Variants in LCLAT1 observed in about 807,000 individuals in gnomAD.
LCLAT1 encodes lysocardiolipin acyltransferase 1, also known as 1-AGP acyltransferase 8.
A neutral mutation model predicts 30.7 loss-of-function variants in LCLAT1; 11 were observed. The observed-to-expected ratio is 0.36, with a 90% CI of 0.23 to 0.59. The LOEUF is 0.59. Ranked by LOEUF, LCLAT1 falls within the 20% of genes least tolerant of loss-of-function variation. The pLI is 0.77. For missense variants in LCLAT1, 402 were observed against 458.6 expected, an observed-to-expected ratio of 0.88 and a Z score of 1.13; for synonymous variants, 155 against 151.3, an observed-to-expected ratio of 1.02 and a Z score of -0.18.
At chr2:30,503,637 T>C (rs1684503700) in intron 1 of LCLAT1, among the ~76,000 whole-genome samples, 1 of 152,196 alleles carries the variant, frequency 6.6e-6, no homozygotes, top group African/African-American at 2.4e-5. Context: ...TGAAATATAG[T>C]GTACTTGCTG....
Position 30,643,486 on chromosome 2 carries a change from CTTCCTTGT to C in LCLAT1, c.*2870_*2877del, listed in dbSNP as rs1455552575. 7 of 144,972 alleles carry C rather than the reference CTTCCTTGT, an allele frequency of 4.8e-5. No individual in the cohort carries two copies. The highest frequency in any genetic ancestry group is 2.0e-4 in the African/African-American group (7 of 35,064). 9.0% of individuals were successfully genotyped at this position (144,972 alleles called of 1,614,324 possible). ...GTAATTTTAGGACTCCTATAAAATT[CTTCCTTGT>C]TTGTTAATGCTATTAAAACTCAGAT... On this transcript the variant is annotated 3_prime_UTR_variant, in exon 6 of 6. Coordinates refer to ENST00000379509, the MANE Select transcript of LCLAT1 (RefSeq NM_001002257.3).
chr2:30,576,968 TA>T (rs1219276053), intron 5 of LCLAT1, among the ~76,000 whole-genome samples: 1 of 151,856 alleles, frequency 6.6e-6, no homozygotes, highest in Non-Finnish European at 1.5e-5. Context: ...ACCTCACTTG[TA>T]AAAAATATGA....
chr2:30,471,475 G>A (rs1048394801), intron 1 of LCLAT1, among the ~76,000 whole-genome samples: 1 of 152,228 alleles, frequency 6.6e-6, no homozygotes. Flanking sequence ...CTCCCAAAGT[G>A]CTGGGATCAC....
At chr2:30,483,818 A>G (rs1054847684) in intron 1 of LCLAT1, among the ~76,000 whole-genome samples, 2 of 152,298 alleles carry the variant, frequency 1.3e-5, no homozygotes, top group Non-Finnish European at 2.9e-5. Context: ...CTCAAGCCTT[A>G]AATTTTATGG....
intron 2 of LCLAT1, among the ~76,000 whole-genome samples, chr2:30,532,349 C>T (rs573360949): frequency 6.6e-6 from 1 of 152,198 alleles, no homozygotes; most frequent in East Asian, 1.9e-4. Flanking sequence ...CAATTTCTCT[C>T]TTTATTAATA....
At chr2:30,479,252 CAG>C (rs543331023) in intron 1 of LCLAT1, among the ~76,000 whole-genome samples, 61 of 151,242 alleles carry the variant, frequency 4.0e-4, no homozygotes, top group South Asian at 1.7e-3. Context: ...TTTTTTGGGA[CAG>C]GGTCTCATTC....
chr2:30,596,486 GGTT>G (rs990996983), intron 5 of LCLAT1, among the ~76,000 whole-genome samples: 6 of 151,594 alleles, frequency 4.0e-5, no homozygotes, highest in Non-Finnish European at 8.8e-5. Flanking sequence ...TTTTTAATGG[GGTT>G]GTTTTTTTTT....
At chr2:30,622,645 C>G (rs1237523623) in intron 5 of LCLAT1, among the ~76,000 whole-genome samples, 1 of 152,170 alleles carries the variant, frequency 6.6e-6, no homozygotes, top group South Asian at 2.1e-4. Context: ...TGCAAACACT[C>G]CCAGTCACCA....
chr2:30,576,954 A>G (rs1247680002), intron 5 of LCLAT1, among the ~76,000 whole-genome samples: 1 of 151,946 alleles, frequency 6.6e-6, no homozygotes, highest in Non-Finnish European at 1.5e-5. Context: ...AACCAAATTC[A>G]TATACCTCAC....
chr2:30,475,034 G>A (rs948850598), intron 1 of LCLAT1, among the ~76,000 whole-genome samples: 5 of 145,332 alleles, frequency 3.4e-5, no homozygotes, highest in Non-Finnish European at 6.1e-5. Context: ...GGGTCTAACT[G>A]TTGCCCAGGC....
chr2:30,607,353 G>A (rs1667498986), intron 5 of LCLAT1: 1 of 152,184 alleles, frequency 6.6e-6, no homozygotes, highest in Middle Eastern at 3.4e-3. Context: ...TATCTTTATA[G>A]ATGTCTTCTT....
intron 1 of LCLAT1, among the ~76,000 whole-genome samples, chr2:30,449,168 CT>C (rs1200579835): frequency 1.3e-5 from 2 of 152,196 alleles, no homozygotes; most frequent in African/African-American, 4.8e-5. Context: ...TGTGTTCTTA[CT>C]GTCTTACTAC....
chr2:30,502,546 T>A (rs1177350287), intron 1 of LCLAT1, among the ~76,000 whole-genome samples: 2 of 152,120 alleles, frequency 1.3e-5, no homozygotes, highest in Non-Finnish European at 2.9e-5. Flanking sequence ...GCCCCAGCCC[T>A]AGGGAACCAC....
intron 5 of LCLAT1, among the ~76,000 whole-genome samples, chr2:30,575,615 C>CT (rs1361579033): frequency 5.9e-5 from 9 of 152,078 alleles, no homozygotes; most frequent in East Asian, 3.9e-4. Flanking sequence ...ACACTCTCTT[C>CT]TTTTTTTAAC....
intron 1 of LCLAT1, among the ~76,000 whole-genome samples, chr2:30,467,901 C>T (rs1032882704): frequency 6.6e-6 from 1 of 152,192 alleles, no homozygotes; most frequent in African/African-American, 2.4e-5. Flanking sequence ...CCTGTTCACT[C>T]TGATGGTACT....
At chr2:30,534,698 G>C (rs1686157032) in intron 3 of LCLAT1, among the ~76,000 whole-genome samples, 1 of 152,150 alleles carries the variant, frequency 6.6e-6, no homozygotes, top group African/African-American at 2.4e-5. Context: ...ACTTTCACTT[G>C]AGAACCAGCA....
chr2:30,509,077 G>A (rs1457753102), intron 1 of LCLAT1, among the ~76,000 whole-genome samples: 1 of 152,082 alleles, frequency 6.6e-6, no homozygotes, highest in Admixed American at 6.6e-5. Flanking sequence ...CTTGACTATT[G>A]TTGGTATATA....
At chr2:30,573,607 A>G (rs1248722223) in intron 5 of LCLAT1, among the ~76,000 whole-genome samples, 2 of 152,086 alleles carry the variant, frequency 1.3e-5, no homozygotes, top group African/African-American at 4.8e-5. Context: ...AGCCTTCCCC[A>G]CGGTATCCTC....
chr2:30,628,134 C>T (rs1477618138), intron 5 of LCLAT1, among the ~76,000 whole-genome samples: 1 of 151,978 alleles, frequency 6.6e-6, no homozygotes, highest in Non-Finnish European at 1.5e-5. Flanking sequence ...GAAATAGAAA[C>T]ACATGTTGTA....
Sources: allele counts gnomAD v4.1 joint callset (sites outside exome capture counted in the v4.1 genomes callset), GRCh38; gene constraint gnomAD v4.1.1; transcripts MANE v1.5; gene names NCBI Gene and HGNC (gene_info 2026-07-23, HGNC 2026-07-21).